The following ACOT13 variants were observed in gnomAD, a reference collection of about 807,000 sequenced individuals.
The protein encoded by ACOT13 is acyl-CoA thioesterase 13.
Under a neutral mutation model 11.8 loss-of-function variants are expected in ACOT13, and 10 were observed. That is an observed-to-expected ratio of 0.85 (90% CI 0.53 to 1.44). The LOEUF (loss-of-function observed/expected upper bound fraction) is 1.44. Among genes scored for constraint, ACOT13 ranks in the 40% most tolerant of loss-of-function variants. The pLI is 0.00. For missense variants in ACOT13, 172 were observed against 174.1 expected (o/e 0.99, Z 0.07); for synonymous variants, 53 against 61.0 (o/e 0.87, Z 0.61).
intron 1 of ACOT13, among the ~76,000 whole-genome samples, chr6:24,667,898 G>GTGTT (rs376884101): frequency 6.6e-6 from 1 of 152,228 alleles, no homozygotes; most frequent in African/African-American, 2.4e-5. Context: ...AAGCCCGAAG[G>GTGTT]TGTTTGTTTG....
chr6:24,667,580 G>A lies in ACOT13; in HGVS notation c.81+236G>A, dbSNP rs1410340798. Among the ~76,000 whole-genome samples, 17 of 152,354 alleles carry A rather than the reference G, an allele frequency of 1.1e-4. No homozygotes were observed. In the East Asian group the frequency reaches 3.3e-3, roughly 29 times the overall value. ...AGTATGGTTATGACTCGTGGAGACA[G>A]TTCCAAGGCTGGGAGGGACTTTGGA... On this transcript the variant is annotated intron_variant, in intron 1 of 2. Coordinates refer to ENST00000230048, the MANE Select transcript of ACOT13 (RefSeq NM_018473.4).
chr6:24,668,333 C>T (rs1778299547), intron 1 of ACOT13, among the ~76,000 whole-genome samples: 1 of 151,948 alleles, frequency 6.6e-6, no homozygotes, highest in African/African-American at 2.4e-5. Context: ...ATTCTCATGC[C>T]TCAGCCTTCC....
chr6:24,678,040 A>G (rs928349839), intron 1 of ACOT13, among the ~76,000 whole-genome samples: 3 of 152,208 alleles, frequency 2.0e-5, no homozygotes, highest in African/African-American at 7.2e-5. Flanking sequence ...CTAAAATTAA[A>G]TCATCCCCGT....
chr6:24,696,073 CAAAA>C (rs1043433086), intron 1 of ACOT13, among the ~76,000 whole-genome samples: 2 of 151,780 alleles, frequency 1.3e-5, no homozygotes, highest in East Asian at 1.9e-4. Flanking sequence ...AAAAAACAAA[CAAAA>C]AAACAAAAAA....
chr6:24,699,933 ATTCAC>A (rs2127629380), intron 2 of ACOT13, among the ~76,000 whole-genome samples: 1 of 152,356 alleles, frequency 6.6e-6, no homozygotes, highest in South Asian at 2.1e-4. Context: ...TCAAAAACTG[ATTCAC>A]TTCAACAAAA....
At chr6:24,674,214 A>C (rs902700348) in intron 1 of ACOT13, among the ~76,000 whole-genome samples, 4 of 152,146 alleles carry the variant, frequency 2.6e-5, no homozygotes, top group Non-Finnish European at 5.9e-5. Flanking sequence ...CGTGCACCAC[A>C]ATGCCCAACT....
rs1371802760 is a variant in ACOT13 at position 24,673,818 on chromosome 6, AT to A, written c.81+6481del. 3.9e-5 allele frequency among the ~76,000 whole-genome samples: 6 copies of A among 152,294 alleles called. No homozygotes were observed. The East Asian group carries it at 5.8e-4, about 15-fold the overall frequency. On this transcript the variant is annotated intron_variant, in intron 1 of 2. Transcript: ENST00000230048. The stretch of plus-strand genomic sequence containing the variant: ...TTAATTGTAAACATGATCATATACA[AT>A]TTTTTTAAAACAAATCCTCTTATTG...
intron 1 of ACOT13, among the ~76,000 whole-genome samples, chr6:24,688,954 G>GA (rs1196721994): frequency 6.6e-6 from 1 of 152,134 alleles, no homozygotes; most frequent in African/African-American, 2.4e-5. Flanking sequence ...GCTGTTCACA[G>GA]AAAAAAGGCA....
chr6:24,697,612 G>A (rs368107831), intron 1 of ACOT13, among the ~76,000 whole-genome samples: 7 of 152,290 alleles, frequency 4.6e-5, no homozygotes, highest in South Asian at 4.1e-4. Context: ...AATGCCAGGC[G>A]TCATACATAT....
intron 1 of ACOT13, among the ~76,000 whole-genome samples, chr6:24,680,489 A>G (rs12212334): frequency 0.39 from 59,355 of 151,472 alleles, 12,636 homozygotes; most frequent in Non-Finnish European, 0.5. Flanking sequence ...GTCCTAAAGC[A>G]TCCTCTAAGG....
Position 24,667,112 on chromosome 6 carries a change from C to G in ACOT13, c.-152C>G. 1.1e-6 allele frequency: 1 copy of G among 879,342 alleles called. No individual in the cohort carries two copies. 54.5% of individuals were successfully genotyped at this position (879,342 alleles called of 1,614,324 possible). On this transcript the variant is annotated 5_prime_UTR_variant, in exon 1 of 3. Coordinates refer to ENST00000230048, the MANE Select transcript of ACOT13 (RefSeq NM_018473.4). ...TCGCGGACCACCGGGGCTGCCAGCTCGCCTGACTCCCGGCCTCTTGCGCTC... is the reference window on the plus strand; with the variant it reads ...TCGCGGACCACCGGGGCTGCCAGCTGGCCTGACTCCCGGCCTCTTGCGCTC...
intron 1 of ACOT13, among the ~76,000 whole-genome samples, chr6:24,692,088 T>A (rs1778726265): frequency 6.6e-6 from 1 of 152,090 alleles, no homozygotes; most frequent in African/African-American, 2.4e-5. Flanking sequence ...TCCTTCTGAG[T>A]GAGTCCAGTA....
In ACOT13 at chr6:24,704,382, G is replaced by A. The variant is rs1229294531; in HGVS notation, c.*2767G>A. On this transcript the variant is annotated 3_prime_UTR_variant, in exon 3 of 3. Transcript: ENST00000230048. ...AAAATGCCTAACTTGGTGAACATAA[G>A]TGTAATTCAATATGGTAAATTAATT... 6.6e-6 allele frequency: 1 copy of A among 152,326 alleles called. No homozygotes were observed. The highest frequency in any genetic ancestry group is 1.5e-5 in the Non-Finnish European group (1 of 68,036). 9.4% of individuals were successfully genotyped at this position (152,326 alleles called of 1,614,324 possible).
chr6:24,673,496 G>A (rs1040526712), intron 1 of ACOT13, among the ~76,000 whole-genome samples: 1 of 152,120 alleles, frequency 6.6e-6, no homozygotes, highest in Non-Finnish European at 1.5e-5. Flanking sequence ...AAGTAGCTGG[G>A]ACTACAGGCA....
chr6:24,681,403 T>C (rs1162566650), intron 1 of ACOT13, among the ~76,000 whole-genome samples: 1 of 152,242 alleles, frequency 6.6e-6, no homozygotes, highest in Non-Finnish European at 1.5e-5. Flanking sequence ...TTGACAACAG[T>C]GGTATTGGAG....
At chr6:24,688,498 C>T (rs889671468) in intron 1 of ACOT13, among the ~76,000 whole-genome samples, 34 of 150,458 alleles carry the variant, frequency 2.3e-4, no homozygotes, top group Non-Finnish European at 8.8e-5. Flanking sequence ...TATGATCATG[C>T]CACTGCACTC....
At chr6:24,693,450 T>A (rs1426401096) in intron 1 of ACOT13, among the ~76,000 whole-genome samples, 3 of 152,188 alleles carry the variant, frequency 2.0e-5, no homozygotes, top group African/African-American at 7.2e-5. Flanking sequence ...GGCTTGTTTA[T>A]CCCACTGCTC....
In ACOT13 at chr6:24,667,352, A is replaced by G. The variant is rs770936130; in HGVS notation, c.81+8A>G. 5 of 1,613,706 alleles carry G rather than the reference A, an allele frequency of 3.1e-6. No homozygotes were observed. The highest frequency in any genetic ancestry group is 4.2e-6 in the Non-Finnish European group (5 of 1,179,818). ...GAGAGAGTTTTGGGAAAGGTATGGG[A>G]AAGGTAGGGGAGAAGCCGTGGCTTC... On this transcript the variant is annotated splice_region_variant and intron_variant, in intron 1 of 2. Transcript: ENST00000230048.
At chr6:24,692,926 G>A (rs914054670) in intron 1 of ACOT13, among the ~76,000 whole-genome samples, 1 of 152,202 alleles carries the variant, frequency 6.6e-6, no homozygotes, top group African/African-American at 2.4e-5. Context: ...ACTGATAACA[G>A]CAATATGGTT....
Sources: gnomAD v4.1 joint callset for allele counts (sites outside exome capture counted in the v4.1 genomes callset) on GRCh38, gnomAD v4.1.1 for gene constraint, MANE v1.5 for transcripts, NCBI Gene and HGNC (gene_info 2026-07-23, HGNC 2026-07-21) for gene names.